Variants in WNT7A observed in about 807,000 individuals in gnomAD.
The protein encoded by WNT7A is Wnt family member 7A.
Under a neutral mutation model 28.2 loss-of-function variants are expected in WNT7A, and 16 were observed. The observed-to-expected ratio is 0.57, with a 90% CI of 0.38 to 0.86. The LOEUF (loss-of-function observed/expected upper bound fraction) is 0.86. Among genes scored for constraint, WNT7A ranks in the 40% least tolerant of loss-of-function variants. The pLI, the probability that WNT7A is intolerant of heterozygous loss-of-function variation, is 0.00. For synonymous variants in WNT7A, 190 were observed against 195.9 expected (o/e 0.97, Z 0.25); for missense variants, 411 against 489.7 (o/e 0.84, Z 1.52).
chr3:13,846,091 C>T (rs1330637385), intron 3 of WNT7A, among the ~76,000 whole-genome samples: 1 of 152,226 alleles, frequency 6.6e-6, no homozygotes, highest in Non-Finnish European at 1.5e-5. Flanking sequence ...CTCCCTGGCC[C>T]TGATGTGTCC....
chr3:13,819,279 C>G lies in WNT7A; in HGVS notation c.715G>C (p.Glu239Gln). ...KDKYNEAVHV[E>Q]PVRASRNKRP... ...TTGTTGCGGCTGGCACGCACAGGCT[C>G]CACGTGAACGGCCTCGTTGTACTTG... Residue 239 changes from glutamate to glutamine, a missense_variant, in exon 4 of 4, where the codon GAG becomes CAG. Transcript: ENST00000285018. The G allele has an allele frequency of 1.2e-6, 2 of 1,614,212 alleles. No homozygotes were observed. The highest frequency in any genetic ancestry group is 1.1e-5 in the South Asian group (1 of 91,086).
chr3:13,846,421 C>A (rs1030320392), intron 3 of WNT7A, among the ~76,000 whole-genome samples: 1 of 152,120 alleles, frequency 6.6e-6, no homozygotes, highest in Non-Finnish European at 1.5e-5. Flanking sequence ...GGTTTATATC[C>A]CAGCACAGCA....
chr3:13,861,814 G>A (rs1694836678), intron 2 of WNT7A, among the ~76,000 whole-genome samples: 1 of 152,194 alleles, frequency 6.6e-6, no homozygotes, highest in Admixed American at 6.5e-5. Context: ...TGGAATGATA[G>A]CTTCAAGGAG....
intron 2 of WNT7A, among the ~76,000 whole-genome samples, chr3:13,860,881 T>G (rs1411990923): frequency 6.6e-6 from 1 of 152,164 alleles, no homozygotes; most frequent in East Asian, 1.9e-4. Context: ...AGATCATATG[T>G]CCAATGACAT....
chr3:13,837,737 G>C (rs780617461), intron 3 of WNT7A, among the ~76,000 whole-genome samples: 1 of 152,112 alleles, frequency 6.6e-6, no homozygotes, highest in East Asian at 1.9e-4. Flanking sequence ...CCCAGGAGCC[G>C]GGTCACACCT....
chr3:13,875,036 A>T lies in WNT7A; in HGVS notation c.209T>A (p.Leu70Gln). 1 of 1,614,246 alleles carries T rather than the reference A, an allele frequency of 6.2e-7. No individual in the cohort carries two copies. The highest frequency in any genetic ancestry group is 8.5e-7 in the Non-Finnish European group (1 of 1,180,038). ...IVIGEGSQMG[L>Q]DECQFQFRNG... is the part of the protein sequence containing the mutation. ...GCGGAACTGAAACTGACACTCGTCC[A>T]GGCCCATTTGTGAGCCTTCTCCTAT... Residue 70 changes from leucine to glutamine, a missense_variant, in exon 2 of 4, where the codon CTG (leucine) becomes CAG (glutamine). Physicochemically the swap from Leu to Gln is moderately radical, Grantham distance 113. Coordinates refer to ENST00000285018, the MANE Select transcript of WNT7A (RefSeq NM_004625.4).
Position 13,879,986 on chromosome 3 carries a change from G to T in WNT7A, c.-170C>A, listed in dbSNP as rs1046886484. On this transcript the variant is annotated 5_prime_UTR_variant, in exon 1 of 4. Coordinates refer to ENST00000285018, the MANE Select transcript of WNT7A (RefSeq NM_004625.4). Reference sequence around the variant, plus strand: ...CGCGCCTGAGCCTCGCCAGGAGCACGGGAGCCACGGAGCGGGAGGAGGGAG... The same window carrying T: ...CGCGCCTGAGCCTCGCCAGGAGCACTGGAGCCACGGAGCGGGAGGAGGGAG... 1.2e-5 allele frequency: 5 copies of T among 426,550 alleles called. No homozygotes were observed. Among genetic ancestry groups the T allele is most frequent in the Non-Finnish European group, 2.0e-5 (5 of 253,310 alleles). The allele number at this position is 426,550 out of a possible 1,614,324, so 26.4% of individuals were successfully genotyped here. A position where few individuals can be genotyped will look rare whatever the true frequency, so the allele number is the denominator to read the frequency against.
chr3:13,834,901 T>C (rs967050268), intron 3 of WNT7A, among the ~76,000 whole-genome samples: 3 of 152,242 alleles, frequency 2.0e-5, no homozygotes, highest in Non-Finnish European at 4.4e-5. Flanking sequence ...GTCCATCCCC[T>C]GCTGTGTCCC....
intron 2 of WNT7A, among the ~76,000 whole-genome samples, chr3:13,856,614 T>G (rs1355226655): frequency 6.6e-6 from 1 of 152,058 alleles, no homozygotes; most frequent in African/African-American, 2.4e-5. Context: ...GGTCAGGAGT[T>G]CAAGACCAGC....
chr3:13,837,739 GTC>G (rs1376810021), intron 3 of WNT7A, among the ~76,000 whole-genome samples: 1 of 152,160 alleles, frequency 6.6e-6, no homozygotes, highest in Admixed American at 6.5e-5. Context: ...CAGGAGCCGG[GTC>G]ACACCTGGCT....
intron 2 of WNT7A, among the ~76,000 whole-genome samples, chr3:13,865,988 G>C (rs937575613): frequency 1.3e-5 from 2 of 152,228 alleles, no homozygotes; most frequent in African/African-American, 2.4e-5. Flanking sequence ...GTGCTGTCTT[G>C]GACAGGATGG....
At chr3:13,852,024 C>T (rs897453530) in intron 3 of WNT7A, among the ~76,000 whole-genome samples, 11 of 152,272 alleles carry the variant, frequency 7.2e-5, no homozygotes, top group African/African-American at 1.9e-4. Context: ...AGCTTCCTTG[C>T]GGTGTTGCCC....
At chr3:13,840,356 G>A (rs570467790) in intron 3 of WNT7A, among the ~76,000 whole-genome samples, 159 of 152,200 alleles carry the variant, frequency 1.0e-3, no homozygotes, top group African/African-American at 3.4e-3. Flanking sequence ...CCCTTCCCCC[G>A]GAATGTCAGC....
chr3:13,836,628 G>A (rs1575063178), intron 3 of WNT7A, among the ~76,000 whole-genome samples: 1 of 152,216 alleles, frequency 6.6e-6, no homozygotes, highest in African/African-American at 2.4e-5. Context: ...TAAAGTGAGG[G>A]TGGTTGGACA....
At chr3:13,829,726 G>A (rs1185927454) in intron 3 of WNT7A, among the ~76,000 whole-genome samples, 1 of 152,160 alleles carries the variant, frequency 6.6e-6, no homozygotes, top group African/African-American at 2.4e-5. Flanking sequence ...GGAGGGCAGG[G>A]GGAGGAGAGA....
Position 13,854,763 on chromosome 3 carries a change from G to A in WNT7A, c.339C>T (p.Ala113=), listed in dbSNP as rs148842161. The A allele has an allele frequency of 3.2e-5, 52 of 1,613,744 alleles. No homozygotes were observed. In the African/African-American group the frequency reaches 4.1e-4, roughly 13 times the overall value. ...EAAFTYAIIA[A]GVAHAITAAC... ...CAGCTGTGATGGCGTGGGCCACGCC[G>A]GCGGCAATGATGGCGTAGGTGAACG... Residue 113 remains alanine, a synonymous_variant, in exon 3 of 4, where the codon GCC becomes GCT. Transcript: ENST00000285018.
At chr3:13,844,669 A>G (rs1244725911) in intron 3 of WNT7A, among the ~76,000 whole-genome samples, 1 of 152,228 alleles carries the variant, frequency 6.6e-6, no homozygotes, top group Non-Finnish European at 1.5e-5. Flanking sequence ...CAGCCTTGAC[A>G]GTGTCTCAAC....
chr3:13,872,056 C>T (rs1327154828), intron 2 of WNT7A, among the ~76,000 whole-genome samples: 1 of 152,164 alleles, frequency 6.6e-6, no homozygotes, highest in Non-Finnish European at 1.5e-5. Flanking sequence ...ATGCTCTTTC[C>T]CCAGACATGC....
At chr3:13,832,653 CT>C (rs111520215) in intron 3 of WNT7A, among the ~76,000 whole-genome samples, 54,755 of 148,288 alleles carry the variant, frequency 0.37, 10,683 homozygotes, top group African/African-American at 0.52. Flanking sequence ...GAAAAAATGG[CT>C]TTTTTTTTTT....
Sources: gnomAD v4.1 joint callset for allele counts (sites outside exome capture counted in the v4.1 genomes callset) on GRCh38, gnomAD v4.1.1 for gene constraint, MANE v1.5 for transcripts, NCBI Gene and HGNC (gene_info 2026-07-23, HGNC 2026-07-21) for gene names.